DUS2: variants seen among roughly 807,000 people sequenced by gnomAD.
DUS2 encodes tRNA-dihydrouridine(20) synthase [NAD(P)+]-like.
DUS2 carries 52 observed loss-of-function variants against 71.3 expected under a neutral mutation model. The ratio of observed to expected loss-of-function variants is 0.73; its 90% CI spans 0.58 to 0.92. The LOEUF (loss-of-function observed/expected upper bound fraction) is 0.92. DUS2 is among the 40% of genes least tolerant of loss of function. The pLI is 0.00. For synonymous variants in DUS2, 204 were observed against 227.8 expected (o/e 0.90, Z 0.94); for missense variants, 558 against 622.6 (o/e 0.90, Z 1.10).
intron 4 of DUS2, among the ~76,000 whole-genome samples, chr16:68,051,535 T>C (rs2033778851): frequency 6.6e-6 from 1 of 151,920 alleles, no homozygotes; most frequent in Non-Finnish European, 1.5e-5. Context: ...GGATTTCAGG[T>C]GCACACCTCC....
rs944467142 is a variant in DUS2 at position 68,056,486 on chromosome 16, A to G, written c.369+62A>G. ...ATGCAGATTAAGAGGCTGACAAGAC[A>G]TAACTAAGTATAGTACCTAACTCTG... is the stretch of plus-strand genomic sequence containing the variant. On this transcript the variant is annotated intron_variant, in intron 7 of 16. Transcript: ENST00000565263. 2.2e-6 allele frequency: 3 copies of G among 1,344,584 alleles called. No individual in the cohort carries two copies. In the African/African-American group the frequency reaches 4.3e-5, roughly 19 times the overall value. 83.3% of individuals were successfully genotyped at this position (1,344,584 alleles called of 1,614,324 possible).
intron 3 of DUS2, among the ~76,000 whole-genome samples, chr16:68,039,264 A>G (rs1247318276): frequency 6.6e-6 from 1 of 152,116 alleles, no homozygotes; most frequent in African/African-American, 2.4e-5. Flanking sequence ...CATGTCAGGT[A>G]ATGCAGAGAA....
chr16:68,072,189 A>G (rs1426607134), intron 12 of DUS2, among the ~76,000 whole-genome samples: 1 of 152,218 alleles, frequency 6.6e-6, no homozygotes, highest in East Asian at 1.9e-4. Context: ...CTAGGATGGT[A>G]AGATGCCCTG....
chr16:68,070,223 A>C lies in DUS2; in HGVS notation c.641+3A>C. The stretch of plus-strand genomic sequence containing the variant: ...CTCTCCATTCCTGTCATAGCCAAGT[A>C]AGCCTCCTGTCTTCATCATGTACTC... On this transcript the variant is annotated splice_donor_region_variant and intron_variant, in intron 11 of 16. Transcript: ENST00000565263. 1 of 1,613,580 alleles carries C rather than the reference A, an allele frequency of 6.2e-7. No homozygotes were observed. The highest frequency in any genetic ancestry group is 8.5e-7 in the Non-Finnish European group (1 of 1,179,544).
At chr16:68,029,575 T>G (rs561456831) in intron 2 of DUS2, among the ~76,000 whole-genome samples, 174 of 151,970 alleles carry the variant, frequency 1.1e-3, no homozygotes, top group Middle Eastern at 3.4e-3. Context: ...GCCCCCCAAG[T>G]AGGTGGGATA....
intron 2 of DUS2, among the ~76,000 whole-genome samples, chr16:68,030,690 A>G (rs1225704508): frequency 2.0e-5 from 3 of 152,096 alleles, no homozygotes; most frequent in African/African-American, 4.8e-5. Context: ...GCATATGTAT[A>G]TATATTTCTA....
intron 5 of DUS2, 130 bp downstream of exon 5, chr16:68,053,785 T>A: frequency 1.1e-6 from 1 of 873,392 alleles, no homozygotes; most frequent in Non-Finnish European, 1.8e-6. Flanking sequence ...CTGAAGATTC[T>A]GCTTTAATGT....
At chr16:68,058,903 T>G (rs1014307414) in intron 7 of DUS2, among the ~76,000 whole-genome samples, 2 of 152,170 alleles carry the variant, frequency 1.3e-5, no homozygotes, top group Non-Finnish European at 2.9e-5. Flanking sequence ...GTTCAAAAAT[T>G]GAAGCCAGAT....
At chr16:68,057,461 G>A (rs918457197) in intron 7 of DUS2, among the ~76,000 whole-genome samples, 3 of 151,714 alleles carry the variant, frequency 2.0e-5, no homozygotes, top group East Asian at 1.9e-4. Context: ...GGCCGGGAGT[G>A]GTGGCCCACA....
intron 7 of DUS2, among the ~76,000 whole-genome samples, chr16:68,057,812 C>A (rs745653732): frequency 6.9e-6 from 1 of 144,388 alleles, no homozygotes; most frequent in Non-Finnish European, 1.5e-5. Context: ...ACCTGGGAGA[C>A]GGAGGTTGCA....
intron 3 of DUS2, among the ~76,000 whole-genome samples, chr16:68,044,408 T>C (rs1300111033): frequency 6.6e-6 from 1 of 151,106 alleles, no homozygotes; most frequent in Non-Finnish European, 1.5e-5. Context: ...TTTTTTTTTT[T>C]TTTTTGAGAT....
intron 6 of DUS2, among the ~76,000 whole-genome samples, 176 bp from the exon 7 acceptor site, chr16:68,056,188 G>A (rs77183187): frequency 2.6e-5 from 4 of 152,038 alleles, no homozygotes; most frequent in Admixed American, 1.3e-4. Flanking sequence ...GCAGGTGCAC[G>A]TTTTAAGGAT....
chr16:68,025,346 A>G (rs2033332620), intron 1 of DUS2, 69 bp from the exon 2 acceptor site: 4 of 152,182 alleles, frequency 2.6e-5, no homozygotes, highest in Admixed American at 2.6e-4. Flanking sequence ...CTCAAAAAAA[A>G]AAAAAAAAGG....
chr16:68,054,765 C>T, intron 6 of DUS2, 148 bp downstream of exon 6: 1 of 967,092 alleles, frequency 1.0e-6, no homozygotes, highest in Non-Finnish European at 1.6e-6. Flanking sequence ...TGGTTTCCAG[C>T]CAGGTGCGGT....
chr16:68,049,397 G>A, intron 3 of DUS2, 108 bp from the exon 4 acceptor site: 1 of 1,155,156 alleles, frequency 8.7e-7, no homozygotes, highest in South Asian at 1.3e-5. Flanking sequence ...TTTGTTCTTG[G>A]TAGTAGGGCG....
chr16:68,045,751 G>C lies in DUS2; in HGVS notation c.127-3754G>C, dbSNP rs559647661. Among the ~76,000 whole-genome samples, 8 of 131,356 alleles carry C rather than the reference G, an allele frequency of 6.1e-5. 1 individual carries two copies. In the South Asian group the frequency reaches 1.9e-3, roughly 31 times the overall value. The allele number at this position is 131,356 out of a possible 152,430, so 86.2% of individuals were successfully genotyped here. On this transcript the variant is annotated intron_variant, in intron 3 of 16. Coordinates refer to ENST00000565263, the MANE Select transcript of DUS2 (RefSeq NM_017803.5). Reference sequence around the variant, plus strand: ...TTTTTTTTTTTTGAGACGGAGTTTTGCTCTTGTTGCCCAGGCCCTGGAGTG... The same window carrying C: ...TTTTTTTTTTTTGAGACGGAGTTTTCCTCTTGTTGCCCAGGCCCTGGAGTG...
rs367563430 is a variant in DUS2, at chr16:68,039,481, C to T, written c.126+1332C>T. 1.6e-4 allele frequency among the ~76,000 whole-genome samples: 25 copies of T among 152,028 alleles called. No individual in the cohort carries two copies. The East Asian group carries it at 3.5e-3, about 21-fold the overall frequency. ...TCGCCCAGGCTGGAGTGCAGTGGCGCGATCTTGGCTCACTGCAAGCTCTGC... is the reference window on the plus strand; with the variant it reads ...TCGCCCAGGCTGGAGTGCAGTGGCGTGATCTTGGCTCACTGCAAGCTCTGC... On this transcript the variant is annotated intron_variant, in intron 3 of 16. Coordinates refer to ENST00000565263, the MANE Select transcript of DUS2 (RefSeq NM_017803.5).
intron 4 of DUS2, among the ~76,000 whole-genome samples, chr16:68,053,056 A>C (rs1480175385): frequency 6.6e-6 from 1 of 150,500 alleles, no homozygotes; most frequent in Non-Finnish European, 1.5e-5. Flanking sequence ...TCCGCCTCCC[A>C]GATTCAAGCG....
chr16:68,032,201 C>CT (rs1491156557), intron 2 of DUS2, among the ~76,000 whole-genome samples: 1 of 152,164 alleles, frequency 6.6e-6, no homozygotes, highest in Non-Finnish European at 1.5e-5. Flanking sequence ...TGTCAGGCAC[C>CT]TCTGACTGAG....
Sources: allele counts gnomAD v4.1 joint callset (sites outside exome capture counted in the v4.1 genomes callset), GRCh38; gene constraint gnomAD v4.1.1; transcripts MANE v1.5; gene names NCBI Gene and HGNC (gene_info 2026-07-23, HGNC 2026-07-21).